Variants in THSD7A observed in about 807,000 individuals in gnomAD.
The protein encoded by THSD7A is thrombospondin type 1 domain containing 7A, also known as thrombospondin type-1 domain-containing protein 7A.
A neutral mutation model predicts 231.3 loss-of-function variants in THSD7A; 96 were observed. The ratio of observed to expected loss-of-function variants is 0.41; its 90% CI spans 0.35 to 0.49. The LOEUF (loss-of-function observed/expected upper bound fraction) is 0.49. Ranked by LOEUF, THSD7A falls within the 20% of genes least tolerant of loss-of-function variation. The pLI, the probability that THSD7A is intolerant of heterozygous loss-of-function variation, is 0.05. For synonymous variants in THSD7A, 940 were observed against 743.3 expected (o/e 1.26, Z -4.30); for missense variants, 2,290 against 2,070.2 (o/e 1.11, Z -2.06).
rs58931693 is a variant in THSD7A, at chr7:11,780,997, C to CAAAAAA, written c.190+50754_190+50759dup. On this transcript the variant is annotated intron_variant, in intron 1 of 27. Coordinates refer to ENST00000423059, the MANE Select transcript of THSD7A (RefSeq NM_015204.3). The stretch of plus-strand genomic sequence containing the variant: ...TGGGCGACAGAGCGAGACTCCGTCT[C>CAAAAAA]AAAAAAAAAAAAAAAAAAAAAAAAA... Among the ~76,000 whole-genome samples the CAAAAAA allele has an allele frequency of 6.3e-3, 216 of 34,450 alleles. 44 individuals are homozygous for CAAAAAA. The highest frequency in any genetic ancestry group is 6.8e-3 in the Non-Finnish European group (129 of 18,864). The allele number at this position is 34,450 out of a possible 152,430, so 22.6% of individuals were successfully genotyped here.
At chr7:11,668,349 CGGA>C (rs1256515900) in intron 1 of THSD7A, among the ~76,000 whole-genome samples, 1 of 151,616 alleles carries the variant, frequency 6.6e-6, no homozygotes, top group African/African-American at 2.4e-5. Flanking sequence ...AACCGGGAGG[CGGA>C]GGTTGCAGTG....
intron 2 of THSD7A, among the ~76,000 whole-genome samples, chr7:11,597,480 C>A (rs553412995): frequency 2.4e-4 from 37 of 152,278 alleles, no homozygotes; most frequent in Middle Eastern, 3.4e-3. Context: ...GGCCATACGA[C>A]CCCCCATATC....
At chr7:11,457,297 C>G (rs546641786) in intron 11 of THSD7A, among the ~76,000 whole-genome samples, 7 of 152,104 alleles carry the variant, frequency 4.6e-5, no homozygotes, top group Non-Finnish European at 8.8e-5. Flanking sequence ...AATATACTTT[C>G]CAAAATTAGC....
At chr7:11,651,488 T>TATCTATC (rs1050416190) in intron 1 of THSD7A, among the ~76,000 whole-genome samples, 5 of 39,170 alleles carry the variant, frequency 1.3e-4, no homozygotes, top group African/African-American at 2.1e-4. Flanking sequence ...ATCTATCAAC[T>TATCTATC]ATCTATCTAT....
intron 9 of THSD7A, among the ~76,000 whole-genome samples, chr7:11,464,447 T>C (rs1176916965): frequency 1.3e-5 from 2 of 152,190 alleles, no homozygotes; most frequent in African/African-American, 4.8e-5. Flanking sequence ...ACTACCTAGA[T>C]GGCACCTGGT....
At chr7:11,402,363 T>C (rs1783436066) in intron 22 of THSD7A, among the ~76,000 whole-genome samples, 1 of 152,200 alleles carries the variant, frequency 6.6e-6, no homozygotes, top group African/African-American at 2.4e-5. Context: ...TAAACAGAAT[T>C]AGTCTTCTAG....
At chr7:11,676,937 C>T (rs372250048) in intron 1 of THSD7A, among the ~76,000 whole-genome samples, 2 of 151,924 alleles carry the variant, frequency 1.3e-5, no homozygotes, top group African/African-American at 2.4e-5. Context: ...AGATACTCCT[C>T]GAGAAAAACA....
chr7:11,427,729 A>G (rs2115422543), intron 14 of THSD7A, among the ~76,000 whole-genome samples: 1 of 152,320 alleles, frequency 6.6e-6, no homozygotes, highest in South Asian at 2.1e-4. Flanking sequence ...CTTTTGTATT[A>G]TAAACATTTT....
In THSD7A at chr7:11,401,832, C is replaced by A; in HGVS notation, c.4374G>T (p.Leu1458=). ...TTGTTTCTAACATCTGCTCTGGGCA[C>A]AGATGCTGATTCTCTAGTTCTTGTA... is the stretch of plus-strand genomic sequence containing the variant. ...VIIQELENQH[L]CPEQMLETKS... Residue 1458 remains leucine, a synonymous_variant, in exon 23 of 28, where the codon CTG becomes CTT. Transcript: ENST00000423059. 6.2e-7 allele frequency: 1 copy of A among 1,613,822 alleles called. No homozygotes were observed. The highest frequency in any genetic ancestry group is 8.5e-7 in the Non-Finnish European group (1 of 1,179,844).
At chr7:11,770,617 A>G (rs996696012) in intron 1 of THSD7A, among the ~76,000 whole-genome samples, 7 of 152,188 alleles carry the variant, frequency 4.6e-5, no homozygotes, top group Admixed American at 1.3e-4. Context: ...CTTCTACTTC[A>G]AGGACTACAC....
chr7:11,817,906 C>T (rs767855076), intron 1 of THSD7A, among the ~76,000 whole-genome samples: 16 of 152,102 alleles, frequency 1.1e-4, no homozygotes, highest in Admixed American at 6.6e-5. Context: ...GGCAAATGCA[C>T]ACAAACATAT....
intron 4 of THSD7A, among the ~76,000 whole-genome samples, chr7:11,559,374 C>G (rs1039484536): frequency 1.6e-4 from 25 of 152,092 alleles, no homozygotes; most frequent in African/African-American, 5.5e-4. Context: ...GATAGAAGAC[C>G]TAAAATAGAA....
chr7:11,584,277 G>A (rs1791298140), intron 4 of THSD7A, among the ~76,000 whole-genome samples: 1 of 151,714 alleles, frequency 6.6e-6, no homozygotes, highest in Non-Finnish European at 1.5e-5. Context: ...AAATATATAT[G>A]CAATTATTAA....
intron 16 of THSD7A, among the ~76,000 whole-genome samples, chr7:11,422,688 A>C (rs1190667608): frequency 1.3e-5 from 2 of 151,490 alleles, no homozygotes; most frequent in East Asian, 1.9e-4. Context: ...GAGTCTCGCT[A>C]TGTGGCCAGG....
In THSD7A at chr7:11,446,287, A is replaced by G. The variant is rs201431640; in HGVS notation, c.2838T>C (p.His946=). ...ACTGAGTCTCAATCAGGGGATACAA[A>G]TGGGAATTTTTACATTTTTCCTTCT... ...SKKKEKCKNS[H]LYPLIETQYC... Residue 946 remains histidine (H), a synonymous_variant, in exon 13 of 28, where the codon CAT becomes CAC. Coordinates refer to ENST00000423059, the MANE Select transcript of THSD7A (RefSeq NM_015204.3). This position sits in a 1 kb window ranked among gnomAD's most constrained non-coding sequence, Gnocchi z 4.0. 1.9e-6 allele frequency: 3 copies of G among 1,612,476 alleles called. No homozygotes were observed. In the East Asian group the frequency reaches 6.7e-5, roughly 36 times the overall value.
At chr7:11,754,425 A>G (rs192143783) in intron 1 of THSD7A, among the ~76,000 whole-genome samples, 52 of 152,202 alleles carry the variant, frequency 3.4e-4, no homozygotes, top group Admixed American at 3.2e-3. Context: ...ATTAAAGGGA[A>G]GGAAGCAGAG....
At chr7:11,617,077 A>G (rs537140646) in intron 2 of THSD7A, among the ~76,000 whole-genome samples, 1 of 152,348 alleles carries the variant, frequency 6.6e-6, no homozygotes, top group South Asian at 2.1e-4. Context: ...ACACAAATAT[A>G]TCTGAGCATA....
At chr7:11,466,146 T>C (rs796880936) in intron 9 of THSD7A, among the ~76,000 whole-genome samples, 9 of 152,314 alleles carry the variant, frequency 5.9e-5, no homozygotes, top group African/African-American at 2.2e-4. Flanking sequence ...AAAAGAAGGA[T>C]AGTCCTGCAC....
intron 6 of THSD7A, among the ~76,000 whole-genome samples, chr7:11,539,375 A>T (rs925820014): frequency 6.6e-6 from 1 of 152,262 alleles, no homozygotes; most frequent in Admixed American, 6.5e-5. Flanking sequence ...AATTAATGTC[A>T]GGAAATAAAA....
Sources: gnomAD v4.1 joint callset for allele counts (sites outside exome capture counted in the v4.1 genomes callset) on GRCh38, gnomAD v4.1.1 for gene constraint, Gnocchi (gnomAD v3.1) non-coding constraint, MANE v1.5 for transcripts, NCBI Gene and HGNC (gene_info 2026-07-23, HGNC 2026-07-21) for gene names.